Variants in SAMD5 observed in about 807,000 individuals in gnomAD.
SAMD5 encodes the protein sterile alpha motif domain-containing protein 5.
Under a neutral mutation model 11.3 loss-of-function variants are expected in SAMD5, and 13 were observed. The observed-to-expected ratio is 1.15, with a 90% CI of 0.75 to 1.83. SAMD5 has a LOEUF of 1.83. SAMD5 is among the 40% of genes most tolerant of loss of function. The pLI, the probability that SAMD5 is intolerant of heterozygous loss-of-function variation, is 0.00. For synonymous variants in SAMD5, 129 were observed against 111.3 expected (o/e 1.16, Z -1.00); for missense variants, 255 against 239.1 (o/e 1.07, Z -0.44).
intron 1 of SAMD5, among the ~76,000 whole-genome samples, chr6:147,694,684 GCTCAAAC>G (rs1791151513): frequency 6.6e-6 from 1 of 152,188 alleles, no homozygotes; most frequent in Non-Finnish European, 1.5e-5. Flanking sequence ...AGGCACGGTA[GCTCAAAC>G]CTATAGTCCC....
the SAMD5 span, among the ~76,000 whole-genome samples, chr6:147,865,516 A>G: frequency 2.0e-5 from 3 of 152,298 alleles, no homozygotes; most frequent in East Asian, 1.9e-4. Context: ...CTTTATTCCA[A>G]TAGTAATTTA....
At chr6:147,612,838 A>G (rs1195710023) in intron 1 of SAMD5, among the ~76,000 whole-genome samples, 2 of 152,164 alleles carry the variant, frequency 1.3e-5, no homozygotes, top group Non-Finnish European at 2.9e-5. Flanking sequence ...CTGAGCAGTG[A>G]CATGACTCAG....
intron 1 of SAMD5, among the ~76,000 whole-genome samples, chr6:147,647,346 T>C (rs1790421063): frequency 6.6e-6 from 1 of 151,902 alleles, no homozygotes; most frequent in Non-Finnish European, 1.5e-5. Flanking sequence ...ATGATCAAGA[T>C]GAGGTTAAGT....
chr6:147,574,609 A>G (rs1270074797), downstream of SAMD5, among the ~76,000 whole-genome samples: 2 of 152,106 alleles, frequency 1.3e-5, no homozygotes, highest in East Asian at 3.9e-4. Context: ...TAAAGAATAG[A>G]TATTTATTTT....
intron 1 of SAMD5, among the ~76,000 whole-genome samples, chr6:147,590,452 G>T (rs971279801): frequency 7.9e-5 from 12 of 152,056 alleles, no homozygotes; most frequent in Non-Finnish European, 1.8e-4. Context: ...TTGCTCTATT[G>T]CCCAGACTGG....
the SAMD5 span, among the ~76,000 whole-genome samples, chr6:147,770,497 G>C: frequency 2.4e-4 from 36 of 152,264 alleles, no homozygotes; most frequent in Admixed American, 7.2e-4. Flanking sequence ...GCATAAAACT[G>C]AAATGATTTT....
intron 1 of SAMD5, among the ~76,000 whole-genome samples, chr6:147,630,184 G>A (rs778573904): frequency 1.3e-5 from 2 of 152,002 alleles, no homozygotes; most frequent in Non-Finnish European, 1.5e-5. Flanking sequence ...CCCGACCTTA[G>A]GTGATCTGCC....
the SAMD5 span, among the ~76,000 whole-genome samples, chr6:147,760,602 A>C: frequency 6.6e-6 from 1 of 152,316 alleles, no homozygotes; most frequent in Non-Finnish European, 1.5e-5. Context: ...ACACAATCAA[A>C]GAGGGATGTT....
intron 1 of SAMD5, among the ~76,000 whole-genome samples, chr6:147,662,607 TTGA>T (rs1324965987): frequency 1.8e-4 from 27 of 152,230 alleles, no homozygotes; most frequent in African/African-American, 5.8e-4. Flanking sequence ...CTTCACCTTG[TTGA>T]TGAATGCACA....
chr6:147,924,494 C>T, the SAMD5 span, among the ~76,000 whole-genome samples: 3 of 151,920 alleles, frequency 2.0e-5, no homozygotes, highest in Non-Finnish European at 4.4e-5. Flanking sequence ...AGAACATAAG[C>T]CTGATCTGAA....
intron 1 of SAMD5, among the ~76,000 whole-genome samples, chr6:147,642,595 A>T (rs1790328967): frequency 6.6e-6 from 1 of 152,246 alleles, no homozygotes. Flanking sequence ...ATTCATTCTT[A>T]AAGATGTCTG....
At chr6:147,787,311 G>T in the SAMD5 span, among the ~76,000 whole-genome samples, 2 of 152,270 alleles carry the variant, frequency 1.3e-5, no homozygotes, top group South Asian at 4.1e-4. Context: ...TAGCACAGAT[G>T]CAAAGTCCTC....
intron 1 of SAMD5, among the ~76,000 whole-genome samples, chr6:147,708,725 T>A (rs1360889973): frequency 6.6e-6 from 1 of 152,242 alleles, no homozygotes; most frequent in African/African-American, 2.4e-5. Context: ...GGATCGACTG[T>A]ATCCAATTGT....
the SAMD5 span, among the ~76,000 whole-genome samples, chr6:147,896,548 A>C: frequency 6.6e-6 from 1 of 152,056 alleles, no homozygotes. Flanking sequence ...GCCAGCAGGG[A>C]GGAAAGGTGG....
the SAMD5 span, among the ~76,000 whole-genome samples, chr6:147,932,182 G>C: frequency 6.6e-6 from 1 of 152,156 alleles, no homozygotes; most frequent in African/African-American, 2.4e-5. Context: ...TATTTTGTAA[G>C]TAAACAAACT....
chr6:147,639,541 A>G (rs1290265582), intron 1 of SAMD5, among the ~76,000 whole-genome samples: 6 of 152,130 alleles, frequency 3.9e-5, no homozygotes, highest in African/African-American at 7.2e-5. Flanking sequence ...CTTCACTCCC[A>G]AGGGGTGGGT....
the SAMD5 span, among the ~76,000 whole-genome samples, chr6:147,848,012 C>T: frequency 9.9e-5 from 15 of 152,116 alleles, no homozygotes; most frequent in African/African-American, 3.6e-4. Context: ...CTTTAGTATC[C>T]ATTGTTCCCT....
chr6:147,865,643 T>C, the SAMD5 span, among the ~76,000 whole-genome samples: 1 of 152,154 alleles, frequency 6.6e-6, no homozygotes, highest in Non-Finnish European at 1.5e-5. Flanking sequence ...TTTTCTGAAA[T>C]GGCTTTGAAT....
chr6:147,612,239 C>T (rs890677408), intron 1 of SAMD5, among the ~76,000 whole-genome samples: 13 of 152,050 alleles, frequency 8.5e-5, no homozygotes, highest in Admixed American at 6.5e-4. Flanking sequence ...GGAACACTGT[C>T]GGTTGGCAGA....
Sources: allele counts gnomAD v4.1 joint callset (sites outside exome capture counted in the v4.1 genomes callset), GRCh38; gene constraint gnomAD v4.1.1; transcripts MANE v1.5; gene names NCBI Gene and HGNC (gene_info 2026-07-23, HGNC 2026-07-21).